PRKCB: variants seen among roughly 807,000 people sequenced by gnomAD.
The protein encoded by PRKCB is protein kinase C beta type.
In PRKCB, 13 loss-of-function variants were observed where a neutral mutation model predicts 81.5. That is an observed-to-expected ratio of 0.16 (90% confidence interval 0.10 to 0.25). The LOEUF is 0.25. Ranked by LOEUF, PRKCB falls within the 10% of genes least tolerant of loss-of-function variation. The probability of loss-of-function intolerance (pLI) is 1.00; values close to 1 mark genes in which losing one functional copy is unlikely to be tolerated. For synonymous variants in PRKCB, 335 were observed against 321.4 expected, an observed-to-expected ratio of 1.04 and a Z score of -0.45; for missense variants, 509 against 875.7, an observed-to-expected ratio of 0.58 and a Z score of 5.29.
At chr16:24,097,032 C>CTTT (rs35055699) in intron 7 of PRKCB, among the ~76,000 whole-genome samples, 28 of 82,700 alleles carry the variant, frequency 3.4e-4, no homozygotes, top group African/African-American at 5.3e-4. Context: ...CATCTTAGGC[C>CTTT]TTTTTTTTTT....
At chr16:23,850,618 G>A (rs1401472872) in intron 2 of PRKCB, among the ~76,000 whole-genome samples, 3 of 152,148 alleles carry the variant, frequency 2.0e-5, no homozygotes, top group East Asian at 3.8e-4. Flanking sequence ...ACCTGCCTTG[G>A]CCTTCCAAAG....
intron 3 of PRKCB, among the ~76,000 whole-genome samples, chr16:24,018,136 T>C (rs1965309573): frequency 6.6e-6 from 1 of 152,132 alleles, no homozygotes; most frequent in African/African-American, 2.4e-5. Flanking sequence ...CCTGACCTCG[T>C]GATCCGCCCA....
Position 24,216,684 on chromosome 16 carries a change from TGC to T in PRKCB, c.*1869_*1870del. On this transcript the variant is annotated 3_prime_UTR_variant, in exon 17 of 17. Transcript: ENST00000643927. Reference sequence around the variant, plus strand: ...TTGCTTCAGGCTTGGGGACCGTCCCTGCTGTCCCCACTGTGGTGGCAATCAGG... The same window carrying T: ...TTGCTTCAGGCTTGGGGACCGTCCCTTGTCCCCACTGTGGTGGCAATCAGG... The T allele has an allele frequency of 1.8e-5, 18 of 985,486 alleles. No individual in the cohort carries two copies. Among genetic ancestry groups the T allele is most frequent in the Non-Finnish European group, 2.2e-5 (18 of 829,954 alleles). The allele number at this position is 985,486 out of a possible 1,614,324, so 61.0% of individuals were successfully genotyped here. A position where few individuals can be genotyped will look rare whatever the true frequency, so the allele number is the denominator to read the frequency against.
At chr16:24,152,359 T>A (rs1008073766) in intron 9 of PRKCB, among the ~76,000 whole-genome samples, 2 of 152,088 alleles carry the variant, frequency 1.3e-5, no homozygotes, top group Non-Finnish European at 1.5e-5. Context: ...ACCAGGTCCC[T>A]CCCACAACAC....
chr16:24,030,278 T>A (rs191481109), intron 3 of PRKCB, among the ~76,000 whole-genome samples: 5 of 152,154 alleles, frequency 3.3e-5, no homozygotes, highest in Non-Finnish European at 7.4e-5. Context: ...AAGAATCTCT[T>A]GAAGAAGAAA....
intron 5 of PRKCB, among the ~76,000 whole-genome samples, chr16:24,064,098 C>T (rs1966005160): frequency 6.6e-6 from 1 of 151,800 alleles, no homozygotes; most frequent in Admixed American, 6.6e-5. Context: ...GAGTAAACAC[C>T]AGGTTGCCGT....
chr16:24,149,083 A>G (rs1967036517), intron 9 of PRKCB, among the ~76,000 whole-genome samples: 1 of 152,150 alleles, frequency 6.6e-6, no homozygotes, highest in Non-Finnish European at 1.5e-5. Context: ...CTGGTCATCA[A>G]GCTTATCAGG....
intron 10 of PRKCB, among the ~76,000 whole-genome samples, chr16:24,155,491 T>C (rs1489479435): frequency 6.6e-6 from 1 of 152,186 alleles, no homozygotes; most frequent in Non-Finnish European, 1.5e-5. Flanking sequence ...AAATTAGACC[T>C]TGGTTTCCAT....
Position 24,216,146 on chromosome 16 carries a change from C to T in PRKCB, c.*1330C>T, listed in dbSNP as rs1056249850. The T allele has an allele frequency of 5.1e-6, 5 of 985,256 alleles. No individual in the cohort carries two copies. Among genetic ancestry groups the T allele is most frequent in the African/African-American group, 1.7e-5 (1 of 57,206 alleles). The allele number at this position is 985,256 out of a possible 1,614,324, so 61.0% of individuals were successfully genotyped here. ...ATCTTGGCCCCAGTGTTCAGCCACT[C>T]GGAGGGGCGGGGGCTGTGGCCCATT... On this transcript the variant is annotated 3_prime_UTR_variant, in exon 17 of 17. Coordinates refer to ENST00000643927, the MANE Select transcript of PRKCB (RefSeq NM_002738.7).
intron 5 of PRKCB, among the ~76,000 whole-genome samples, chr16:24,088,110 G>A (rs552484317): frequency 1.1e-3 from 170 of 152,280 alleles, no homozygotes; most frequent in Middle Eastern, 3.4e-3. Flanking sequence ...ATTTGCTTCC[G>A]CGATACATAT....
chr16:24,183,616 T>C (rs1244744308), intron 13 of PRKCB, among the ~76,000 whole-genome samples: 1 of 152,224 alleles, frequency 6.6e-6, no homozygotes, highest in African/African-American at 2.4e-5. Context: ...TAAAACATTC[T>C]AGGATTAGTT....
intron 2 of PRKCB, among the ~76,000 whole-genome samples, chr16:23,933,384 T>C (rs1178400393): frequency 6.6e-6 from 1 of 152,212 alleles, no homozygotes; most frequent in Admixed American, 6.5e-5. Flanking sequence ...ATGATATTTA[T>C]TGATGAGCCC....
chr16:23,865,553 GTGTGTGTGTGTGTGTGTA>G (rs1300630746), intron 2 of PRKCB, among the ~76,000 whole-genome samples: 5,083 of 61,130 alleles, frequency 0.083, 808 homozygotes, highest in South Asian at 0.11. Context: ...GTGTGTGTGT[GTGTGTGTGTGTGTGTGTA>G]TATGTATATT....
chr16:23,940,795 C>T (rs150668365), intron 2 of PRKCB, among the ~76,000 whole-genome samples: 2 of 152,208 alleles, frequency 1.3e-5, no homozygotes, highest in Non-Finnish European at 2.9e-5. Flanking sequence ...CAGACTGGTA[C>T]TCTCGGATTT....
chr16:23,885,752 G>A (rs926476408), intron 2 of PRKCB, among the ~76,000 whole-genome samples: 5 of 152,198 alleles, frequency 3.3e-5, no homozygotes, highest in African/African-American at 1.2e-4. Context: ...GGAAATGAAA[G>A]CCACTGTGTG....
At chr16:23,998,137 G>C (rs113734849) in intron 3 of PRKCB, among the ~76,000 whole-genome samples, 68 of 152,284 alleles carry the variant, frequency 4.5e-4, no homozygotes, top group African/African-American at 1.6e-3. Context: ...TTTTTGAGCT[G>C]GAACATTAAT....
chr16:24,155,030 C>G (rs772094439), intron 10 of PRKCB, among the ~76,000 whole-genome samples, 173 bp downstream of exon 10: 1 of 152,202 alleles, frequency 6.6e-6, no homozygotes, highest in African/African-American at 2.4e-5. Context: ...TACTGAGAAA[C>G]GCTCTCCCCT....
chr16:24,004,656 A>G (rs140372103), intron 3 of PRKCB, among the ~76,000 whole-genome samples: 204 of 152,250 alleles, frequency 1.3e-3, no homozygotes, highest in African/African-American at 4.1e-3. Context: ...TTCTGTCTCA[A>G]ATAAACAAAA....
intron 4 of PRKCB, among the ~76,000 whole-genome samples, chr16:24,033,715 T>C (rs9935718): frequency 0.51 from 76,692 of 151,810 alleles, 19,474 homozygotes; most frequent in South Asian, 0.65. Context: ...TGAGCTGAGA[T>C]CACACTACTG....
Sources: allele counts gnomAD v4.1 joint callset (sites outside exome capture counted in the v4.1 genomes callset), GRCh38; gene constraint gnomAD v4.1.1; transcripts MANE v1.5; gene names NCBI Gene and HGNC (gene_info 2026-07-23, HGNC 2026-07-21).